Variants in ADAM19 observed in about 807,000 individuals in gnomAD.
The protein encoded by ADAM19 is ADAM metallopeptidase domain 19.
ADAM19 carries 65 observed loss-of-function variants against 114.7 expected under a neutral mutation model. The ratio of observed to expected loss-of-function variants is 0.57; its 90% CI spans 0.46 to 0.70. ADAM19 has a LOEUF of 0.70. ADAM19 is among the 30% of genes least tolerant of loss of function. ADAM19 has a pLI of 0.00. For missense variants in ADAM19, 1,063 were observed against 1,204.7 expected (o/e 0.88, Z 1.74); for synonymous variants, 466 against 460.5 (o/e 1.01, Z -0.15).
intron 5 of ADAM19, 35 bp downstream of exon 5, chr5:157,530,772 T>A (rs370804956): frequency 4.2e-5 from 66 of 1,575,314 alleles, no homozygotes; most frequent in Non-Finnish European, 5.4e-5. Context: ...CTGGGGAGAG[T>A]GCCCGGTGCC....
At chr5:157,503,174 G>A in intron 11 of ADAM19, among the ~76,000 whole-genome samples, 194 bp from the exon 12 acceptor site, 1 of 152,142 alleles carries the variant, frequency 6.6e-6, no homozygotes, top group East Asian at 1.9e-4. Flanking sequence ...TTCATCCCTT[G>A]AGTTCGTGTC....
chr5:157,542,730 G>A (rs1266683254), intron 3 of ADAM19, among the ~76,000 whole-genome samples: 4 of 152,210 alleles, frequency 2.6e-5, no homozygotes, highest in African/African-American at 4.8e-5. Flanking sequence ...GCTTGAACTC[G>A]GGAGGCGGAA....
At chr5:157,534,903 T>G (rs1756719971) in intron 4 of ADAM19, among the ~76,000 whole-genome samples, 1 of 152,206 alleles carries the variant, frequency 6.6e-6, no homozygotes, top group Non-Finnish European at 1.5e-5. Flanking sequence ...AAGGAGGAAC[T>G]TGGCTTGTCA....
At chr5:157,559,127 C>T (rs1757440469) in intron 3 of ADAM19, among the ~76,000 whole-genome samples, 1 of 152,186 alleles carries the variant, frequency 6.6e-6, no homozygotes, top group South Asian at 2.1e-4. Context: ...TTGACAATTG[C>T]TGTTCCCCAG....
chr5:157,504,683 G>T (rs1755682998), intron 11 of ADAM19, among the ~76,000 whole-genome samples: 3 of 152,206 alleles, frequency 2.0e-5, no homozygotes, highest in African/African-American at 4.8e-5. Flanking sequence ...CCCTAATGGT[G>T]TGGGGTGAAG....
chr5:157,481,192 G>A (rs1754735121), intron 22 of ADAM19, 190 bp from the exon 23 acceptor site: 5 of 712,998 alleles, frequency 7.0e-6, no homozygotes, highest in Non-Finnish European at 9.2e-6. Context: ...TGTGGTAGGT[G>A]CCCCTATCTC....
chr5:157,566,641 T>C (rs924361714), intron 2 of ADAM19: 6 of 152,176 alleles, frequency 3.9e-5, no homozygotes, highest in Admixed American at 3.9e-4. Context: ...ACAGAACAGA[T>C]TCTTTGGAGT....
intron 11 of ADAM19, 96 bp downstream of exon 11, chr5:157,505,573 G>A: frequency 8.5e-6 from 12 of 1,406,048 alleles, no homozygotes; most frequent in Non-Finnish European, 1.2e-5. Context: ...GAAGTTTAAG[G>A]GAGTCTCAGT....
chr5:157,541,409 T>C (rs1002692295), intron 3 of ADAM19, among the ~76,000 whole-genome samples: 3 of 152,222 alleles, frequency 2.0e-5, no homozygotes, highest in African/African-American at 7.2e-5. Flanking sequence ...CCCTGCTCTG[T>C]CTGCTCTGTG....
At chr5:157,494,189 T>C (rs1035216397) in intron 15 of ADAM19, among the ~76,000 whole-genome samples, 8 of 151,240 alleles carry the variant, frequency 5.3e-5, no homozygotes. Flanking sequence ...GATGGATGGA[T>C]GAGTGGGTGA....
chr5:157,518,406 C>T (rs1271387329), intron 7 of ADAM19, among the ~76,000 whole-genome samples: 4 of 151,960 alleles, frequency 2.6e-5, no homozygotes, highest in South Asian at 2.1e-4. Context: ...TTCTTTGAGA[C>T]GGAGTTTCGC....
intron 3 of ADAM19, among the ~76,000 whole-genome samples, chr5:157,559,076 G>A (rs1439066391): frequency 1.3e-5 from 2 of 152,088 alleles, no homozygotes; most frequent in Non-Finnish European, 2.9e-5. Flanking sequence ...AGTAATGATA[G>A]GTATTAAAAT....
chr5:157,570,374 T>C (rs1757788415), intron 2 of ADAM19: 1 of 152,474 alleles, frequency 6.6e-6, no homozygotes, highest in Non-Finnish European at 1.5e-5. Context: ...GTGTTTTTTG[T>C]TTTCTTCCCA....
At chr5:157,483,115 C>T (rs150613684) in intron 21 of ADAM19, among the ~76,000 whole-genome samples, 12,512 of 152,064 alleles carry the variant, frequency 0.082, 723 homozygotes, top group African/African-American at 0.16. Flanking sequence ...ATGTAGATGA[C>T]GGGTTGATGG....
Position 157,502,962 on chromosome 5 carries a change from C to A in ADAM19, c.1149G>T (p.Val383=). 6.2e-6 allele frequency: 10 copies of A among 1,614,046 alleles called. No individual in the cohort carries two copies. Among genetic ancestry groups the A allele is most frequent in the Non-Finnish European group, 8.5e-6 (10 of 1,179,920 alleles). ...GCTCCCTCCTGTTGCATCCATTGAACACTTTGGGAAAGGGGTGCCTGGCAG... is the reference window on the plus strand; with the variant it reads ...GCTCCCTCCTGTTGCATCCATTGAAAACTTTGGGAAAGGGGTGCCTGGCAG... The part of the protein sequence containing the change: ...AAATGHPFPK[V]FNGCNRRELD... Residue 383 remains valine, a synonymous_variant, in exon 12 of 23, where the codon GTG becomes GTT. Coordinates refer to ENST00000257527, the MANE Select transcript of ADAM19 (RefSeq NM_033274.5).
intron 18 of ADAM19, among the ~76,000 whole-genome samples, chr5:157,490,764 T>C (rs1042322270): frequency 6.6e-6 from 1 of 151,922 alleles, no homozygotes; most frequent in Admixed American, 6.6e-5. Context: ...TGGTGGCACA[T>C]GCCTGTAGTC....
intron 21 of ADAM19, among the ~76,000 whole-genome samples, chr5:157,487,353 CTG>C (rs1170660881): frequency 1.3e-5 from 2 of 152,208 alleles, no homozygotes; most frequent in Non-Finnish European, 2.9e-5. Flanking sequence ...CCTTCCCAAA[CTG>C]TACCACTGCC....
At chr5:157,546,554 T>C (rs951209923) in intron 3 of ADAM19, among the ~76,000 whole-genome samples, 2 of 152,190 alleles carry the variant, frequency 1.3e-5, no homozygotes, top group Admixed American at 1.3e-4. Context: ...TTCCAACACT[T>C]AGATCACTCT....
chr5:157,536,915 G>A (rs1216357723), intron 4 of ADAM19, among the ~76,000 whole-genome samples: 1 of 152,168 alleles, frequency 6.6e-6, no homozygotes, highest in African/African-American at 2.4e-5. Context: ...CAAAGGCAAA[G>A]GCCACTGCTG....
Sources: gnomAD v4.1 joint callset for allele counts (sites outside exome capture counted in the v4.1 genomes callset) on GRCh38, gnomAD v4.1.1 for gene constraint, MANE v1.5 for transcripts, NCBI Gene and HGNC (gene_info 2026-07-23, HGNC 2026-07-21) for gene names.